The following KIF27 variants were observed in gnomAD, a reference collection of about 807,000 sequenced individuals.
KIF27 encodes kinesin family member 27.
Under a neutral mutation model 141.8 loss-of-function variants are expected in KIF27, and 84 were observed. The observed-to-expected ratio is 0.59, with a 90% CI of 0.50 to 0.71. The LOEUF (loss-of-function observed/expected upper bound fraction) is 0.71, where lower values mean the gene tolerates loss of function less well. KIF27 is among the 30% of genes least tolerant of loss of function. The pLI, the probability that KIF27 is intolerant of heterozygous loss-of-function variation, is 0.00. For synonymous variants in KIF27, 471 were observed against 569.5 expected (o/e 0.83, Z 2.46); for missense variants, 1,306 against 1,628.4 (o/e 0.80, Z 3.41).
intron 11 of KIF27, among the ~76,000 whole-genome samples, chr9:83,879,911 G>C (rs918260270): frequency 6.6e-5 from 10 of 152,096 alleles, no homozygotes; most frequent in Non-Finnish European, 1.5e-4. Context: ...CACTTTACCT[G>C]GTACTTTTTC....
intron 4 of KIF27, among the ~76,000 whole-genome samples, chr9:83,901,686 A>T (rs1283199854): frequency 1.3e-5 from 2 of 152,180 alleles, no homozygotes; most frequent in Non-Finnish European, 2.9e-5. Context: ...CATCCTGGCC[A>T]ACATGGTGAA....
intron 15 of KIF27, 150 bp downstream of exon 15, chr9:83,853,479 A>T: frequency 1.6e-6 from 1 of 610,794 alleles, no homozygotes; most frequent in Non-Finnish European, 2.8e-6. Flanking sequence ...GACAACATTT[A>T]GTTCTATAAA....
intron 11 of KIF27, among the ~76,000 whole-genome samples, chr9:83,876,284 G>A (rs1951199078): frequency 1.3e-5 from 2 of 152,206 alleles, no homozygotes; most frequent in Middle Eastern, 6.8e-3. Flanking sequence ...TTATCTTATA[G>A]TGTCAAGGAA....
At chr9:83,866,179 C>A (rs1386044448) in intron 13 of KIF27, among the ~76,000 whole-genome samples, 1 of 151,928 alleles carries the variant, frequency 6.6e-6, no homozygotes, top group African/African-American at 2.4e-5. Context: ...CTCCTGCCTT[C>A]TGAAAATCTT....
At chr9:83,913,839 T>G (rs950444561) in intron 2 of KIF27, among the ~76,000 whole-genome samples, 16 of 152,200 alleles carry the variant, frequency 1.1e-4, no homozygotes, top group African/African-American at 3.9e-4. Flanking sequence ...CACAAGTGAG[T>G]AATATGCATC....
At chr9:83,866,704 A>C (rs774009181) in intron 13 of KIF27, among the ~76,000 whole-genome samples, 5 of 151,998 alleles carry the variant, frequency 3.3e-5, no homozygotes, top group South Asian at 2.1e-4. Flanking sequence ...GGTGAAACCC[A>C]GTCTCTACTA....
At chr9:83,902,798 T>C (rs1437272009) in intron 4 of KIF27, among the ~76,000 whole-genome samples, 1 of 151,992 alleles carries the variant, frequency 6.6e-6, no homozygotes, top group East Asian at 1.9e-4. Flanking sequence ...GGGTATGAAT[T>C]GTGAGGAGGA....
Position 83,908,590 on chromosome 9 carries a change from T to C in KIF27, c.361A>G (p.Ile121Val). Reference sequence around the variant, plus strand: ...AAGTCAATGCTAGGATGTTCAGAGATGCTTTGAAATATTTCTTGAATAGCT... The same window carrying C: ...AAGTCAATGCTAGGATGTTCAGAGACGCTTTGAAATATTTCTTGAATAGCT... ...PRAIQEIFQS[I>V]SEHPSIDFNV... The change falls in exon 3 of 18, where the codon ATC becomes GTC. Residue 121 changes from isoleucine to valine, a missense_variant. By Grantham distance (29) the Ile-to-Val change is conservative (BLOSUM62 3). Transcript: ENST00000297814. 2.5e-6 allele frequency: 4 copies of C among 1,612,200 alleles called. No homozygotes were observed. Among genetic ancestry groups the C allele is most frequent in the Non-Finnish European group, 3.4e-6 (4 of 1,178,678 alleles).
intron 2 of KIF27, among the ~76,000 whole-genome samples, chr9:83,912,738 C>T (rs1051394586): frequency 1.3e-5 from 2 of 152,150 alleles, no homozygotes; most frequent in Admixed American, 1.3e-4. Context: ...CTCAACAACT[C>T]TCATTTAGCT....
intron 14 of KIF27, 105 bp from the exon 15 acceptor site, chr9:83,853,940 T>C (rs1269822067): frequency 7.4e-6 from 6 of 807,812 alleles, no homozygotes; most frequent in Admixed American, 5.1e-5. Flanking sequence ...ATATTACCAC[T>C]CTTGTACTAG....
At chr9:83,840,538 A>C (rs1332448900) in intron 17 of KIF27, among the ~76,000 whole-genome samples, 1 of 152,124 alleles carries the variant, frequency 6.6e-6, no homozygotes, top group East Asian at 1.9e-4. Context: ...AGAAATGTCT[A>C]GTAGACTCGG....
At chr9:83,841,592 A>AAACC (rs1326111505) in intron 17 of KIF27, among the ~76,000 whole-genome samples, 1 of 152,252 alleles carries the variant, frequency 6.6e-6, no homozygotes, top group African/African-American at 2.4e-5. Context: ...ATTCTTTTAT[A>AAACC]AAATGTAGAC....
At chr9:83,889,278 C>T (rs745864030) in intron 6 of KIF27, 25 bp from the exon 7 acceptor site, 1 of 1,554,454 alleles carries the variant, frequency 6.4e-7, no homozygotes, top group Admixed American at 1.9e-5. Flanking sequence ...CCCCACCCAA[C>T]AACAAAAAAA....
chr9:83,885,153 T>C (rs1053453465), intron 9 of KIF27, among the ~76,000 whole-genome samples: 3 of 152,166 alleles, frequency 2.0e-5, no homozygotes, highest in Non-Finnish European at 4.4e-5. Context: ...AGTGCAGTGG[T>C]ACAATGTCAG....
chr9:83,865,605 A>C (rs1950293447), intron 13 of KIF27, among the ~76,000 whole-genome samples: 1 of 151,956 alleles, frequency 6.6e-6, no homozygotes, highest in Non-Finnish European at 1.5e-5. Flanking sequence ...CCTATCCTCC[A>C]ACCCTTTTAA....
At chr9:83,877,671 A>G (rs185447831) in intron 11 of KIF27, among the ~76,000 whole-genome samples, 316 of 152,340 alleles carry the variant, frequency 2.1e-3, no homozygotes, top group Non-Finnish European at 3.6e-3. Flanking sequence ...GACTTCAACA[A>G]AACTAAAAAT....
chr9:83,858,643 C>A (rs1026594876), intron 14 of KIF27: 2 of 153,360 alleles, frequency 1.3e-5, no homozygotes, highest in Non-Finnish European at 2.9e-5. Context: ...ACTAAAAGGT[C>A]TTTTACTGGG....
At chr9:83,901,627 C>T (rs2132542903) in intron 4 of KIF27, among the ~76,000 whole-genome samples, 1 of 152,306 alleles carries the variant, frequency 6.6e-6, no homozygotes, top group Admixed American at 6.5e-5. Flanking sequence ...ATAATCCCAG[C>T]ACTTTGGGAG....
intron 1 of KIF27, among the ~76,000 whole-genome samples, chr9:83,921,070 G>A (rs1259744323): frequency 6.6e-6 from 1 of 152,128 alleles, no homozygotes; most frequent in African/African-American, 2.4e-5. Context: ...GGTGTTCCCC[G>A]GGACCCGCTC....
Sources: gnomAD v4.1 joint callset for allele counts (sites outside exome capture counted in the v4.1 genomes callset) on GRCh38, gnomAD v4.1.1 for gene constraint, MANE v1.5 for transcripts, NCBI Gene and HGNC (gene_info 2026-07-23, HGNC 2026-07-21) for gene names.